Variants in NRCAM observed in about 807,000 individuals in gnomAD.
NRCAM encodes NgCAM-related cell adhesion molecule.
In NRCAM, 83 loss-of-function variants were observed where a neutral mutation model predicts 156.5. That is an observed-to-expected ratio of 0.53 (90% CI 0.44 to 0.64). NRCAM has a LOEUF of 0.64. NRCAM is among the 30% of genes least tolerant of loss of function. The probability of loss-of-function intolerance (pLI) is 0.00; values close to 1 mark genes in which losing one functional copy is unlikely to be tolerated. For synonymous variants in NRCAM, 538 were observed against 563.9 expected (o/e 0.95, Z 0.65); for missense variants, 1,417 against 1,597.3 (o/e 0.89, Z 1.92).
At chr7:108,381,973 T>A (rs1270789053) in intron 2 of NRCAM, among the ~76,000 whole-genome samples, 1 of 152,196 alleles carries the variant, frequency 6.6e-6, no homozygotes. Flanking sequence ...GAGATACAGA[T>A]GGACTGTTAT....
In NRCAM at chr7:108,226,900, A is replaced by G. The variant is rs188724918; in HGVS notation, c.551-522T>C. Among the ~76,000 whole-genome samples the G allele has an allele frequency of 2.6e-5, 4 of 152,324 alleles. No homozygotes were observed. The East Asian group carries it at 7.7e-4, about 29-fold the overall frequency. ...CCAGCCCTGTCTGAGCTCATCATCC[A>G]GTTGAAGAATCAGGCAGCAAATGGC... is the stretch of plus-strand genomic sequence containing the variant. On this transcript the variant is annotated intron_variant, in intron 8 of 32. Transcript: ENST00000379028.
intron 1 of NRCAM, among the ~76,000 whole-genome samples, chr7:108,442,322 G>C (rs1839511422): frequency 6.6e-6 from 1 of 152,128 alleles, no homozygotes; most frequent in Non-Finnish European, 1.5e-5. Flanking sequence ...CTTGGTCACA[G>C]GTGTATAACA....
At chr7:108,272,490 CACTAAGTG>C (rs958403426) in intron 3 of NRCAM, among the ~76,000 whole-genome samples, 1 of 152,164 alleles carries the variant, frequency 6.6e-6, no homozygotes, top group Non-Finnish European at 1.5e-5. Flanking sequence ...TTATTTATCC[CACTAAGTG>C]TAAATGTTTG....
chr7:108,449,096 C>T (rs1053048005), intron 1 of NRCAM, among the ~76,000 whole-genome samples: 3 of 152,180 alleles, frequency 2.0e-5, no homozygotes, highest in Admixed American at 1.3e-4. Flanking sequence ...TTTAATGCAG[C>T]GTACAGCAGC....
At chr7:108,311,584 T>C (rs941282278) in intron 3 of NRCAM, among the ~76,000 whole-genome samples, 1 of 152,206 alleles carries the variant, frequency 6.6e-6, no homozygotes, top group African/African-American at 2.4e-5. Context: ...AAATTTGTGC[T>C]ATTTGATTTA....
intron 1 of NRCAM, among the ~76,000 whole-genome samples, chr7:108,427,502 C>A (rs1046062939): frequency 6.6e-6 from 1 of 152,168 alleles, no homozygotes; most frequent in South Asian, 2.1e-4. Context: ...TTCTTCAGTA[C>A]AATTTATTCT....
Position 108,184,444 on chromosome 7 carries a change from ACGCCTCGCT to A in NRCAM, c.2197_2205del (p.Ala735_Glu737del), listed in dbSNP as rs763763115. 6.2e-7 allele frequency: 1 copy of A among 1,614,160 alleles called. No homozygotes were observed. The highest frequency in any genetic ancestry group is 1.7e-5 in the Admixed American group (1 of 60,024). ...GAGGCTTTCGTCAAATACTGCTCAG[ACGCCTCGCT>A]GGGCAAGCTCTTCCCAATGCTGTTC... On this transcript the variant is annotated inframe_deletion, in exon 21 of 33. Coordinates refer to ENST00000379028, the MANE Select transcript of NRCAM (RefSeq NM_001037132.4).
chr7:108,157,515 T>C (rs2046239445), intron 32 of NRCAM, among the ~76,000 whole-genome samples: 1 of 152,148 alleles, frequency 6.6e-6, no homozygotes, highest in South Asian at 2.1e-4. Flanking sequence ...GAGTTGAAAG[T>C]AAAACTAACA....
chr7:108,181,844 C>G lies in NRCAM; in HGVS notation c.2624G>C (p.Arg875Pro). 1 of 1,613,970 alleles carries G rather than the reference C, an allele frequency of 6.2e-7. No homozygotes were observed. The highest frequency in any genetic ancestry group is 8.5e-7 in the Non-Finnish European group (1 of 1,179,908). The part of the protein sequence containing the change: ...HWDPVPLKSI[R>P]GHLQGYRIYY... ...TGCCCGATAGCCTTGTAGGTGTCCT[C>G]GGATGCTTTTCAGAGGTACTGGGTC... Residue 875 changes from arginine to proline, a missense_variant, in exon 24 of 33, where the codon CGA becomes CCA. Arg to Pro is a moderately radical substitution (Grantham distance 103). This residue lies in a region of NRCAM where 1,238 missense variants were observed against 1,336.4 expected (regional missense o/e 0.93). Transcript: ENST00000379028.
chr7:108,275,293 G>C (rs2097550315), intron 3 of NRCAM, among the ~76,000 whole-genome samples: 1 of 152,170 alleles, frequency 6.6e-6, no homozygotes, highest in African/African-American at 2.4e-5. Flanking sequence ...CTACTGATCG[G>C]AATAGCTTCA....
intron 30 of NRCAM, among the ~76,000 whole-genome samples, chr7:108,164,564 A>AGAGGAGAGGAGAGGC (rs2052512478): frequency 6.6e-6 from 1 of 151,706 alleles, no homozygotes; most frequent in African/African-American, 2.4e-5. Context: ...AGAGGAGAGG[A>AGAGGAGAGGAGAGGC]GAGGAGAGGA....
At position 108,278,166 on chromosome 7, in the gene NRCAM, G is replaced by T. The variant is rs548737929; in HGVS notation, c.-107+34499C>A. On this transcript the variant is annotated intron_variant, in intron 3 of 32. Coordinates refer to ENST00000379028, the MANE Select transcript of NRCAM (RefSeq NM_001037132.4). ...GGTGTTTGTCAGTCCCTACTGGGAG[G>T]TGTCTCCCAGACAGGCTACACAGGG... 3.3e-5 allele frequency among the ~76,000 whole-genome samples: 5 copies of T among 152,336 alleles called. No individual in the cohort carries two copies. The East Asian group carries it at 9.7e-4, about 29-fold the overall frequency.
intron 3 of NRCAM, among the ~76,000 whole-genome samples, chr7:108,255,463 CAG>C (rs2096591107): frequency 6.6e-6 from 1 of 152,336 alleles, no homozygotes; most frequent in African/African-American, 2.4e-5. Flanking sequence ...CTCGCTCACT[CAG>C]TGCTCAATGT....
chr7:108,392,851 CTGGGTAT>C (rs1596257206), intron 2 of NRCAM, among the ~76,000 whole-genome samples: 2 of 152,302 alleles, frequency 1.3e-5, no homozygotes, highest in East Asian at 3.9e-4. Context: ...CCCTGTTTGC[CTGGGTAT>C]CAGCAGAGGC....
Position 108,180,216 on chromosome 7 carries a change from T to G in NRCAM, c.2851+7A>C. 6.2e-7 allele frequency: 1 copy of G among 1,613,414 alleles called. No homozygotes were observed. On this transcript the variant is annotated splice_region_variant and intron_variant, in intron 25 of 32. Coordinates refer to ENST00000379028, the MANE Select transcript of NRCAM (RefSeq NM_001037132.4). ...CCTGAGATCTTAGAGACACGTCCATTCCATACCTCCTTCTGGAGTATTAAA... is the reference window on the plus strand; with the variant it reads ...CCTGAGATCTTAGAGACACGTCCATGCCATACCTCCTTCTGGAGTATTAAA...
chr7:108,254,513 A>C (rs191118485), intron 3 of NRCAM, among the ~76,000 whole-genome samples: 7 of 152,144 alleles, frequency 4.6e-5, no homozygotes, highest in African/African-American at 1.7e-4. Context: ...TGCTATGGAA[A>C]CATAAAAACA....
chr7:108,358,244 C>CAAAAAA (rs71314689), intron 2 of NRCAM, among the ~76,000 whole-genome samples: 1 of 71,784 alleles, frequency 1.4e-5, no homozygotes, highest in Non-Finnish European at 2.8e-5. Context: ...CCCCTCTCTA[C>CAAAAAA]AAAAAAAAAA....
chr7:108,260,590 C>T (rs528196859), intron 3 of NRCAM, among the ~76,000 whole-genome samples: 7 of 152,082 alleles, frequency 4.6e-5, no homozygotes, highest in Admixed American at 3.9e-4. Context: ...AACTTACTCC[C>T]GGGATGTGCT....
chr7:108,394,801 T>C (rs1382783902), intron 2 of NRCAM, among the ~76,000 whole-genome samples: 1 of 152,210 alleles, frequency 6.6e-6, no homozygotes, highest in Non-Finnish European at 1.5e-5. Context: ...AATCTTTTTT[T>C]TATCCTCAAT....
Sources: gnomAD v4.1 joint callset for allele counts (sites outside exome capture counted in the v4.1 genomes callset) on GRCh38, gnomAD v4.1.1 for gene constraint, gnomAD v4.1.1 regional missense constraint, MANE v1.5 for transcripts, NCBI Gene and HGNC (gene_info 2026-07-23, HGNC 2026-07-21) for gene names.